Variants in NRG3 observed in about 807,000 individuals in gnomAD.
NRG3 encodes the protein pro-neuregulin-3, membrane-bound isoform.
Under a neutral mutation model 66.9 loss-of-function variants are expected in NRG3, and 31 were observed. The observed-to-expected ratio is 0.46, with a 90% CI of 0.35 to 0.63. NRG3 has a LOEUF of 0.63. Among genes scored for constraint, NRG3 ranks in the 20% least tolerant of loss-of-function variants. The pLI is 0.00. For synonymous variants in NRG3, 393 were observed against 359.4 expected (o/e 1.09, Z -1.06); for missense variants, 910 against 878.9 (o/e 1.04, Z -0.45).
At chr10:82,079,415 T>C (rs988369781) in intron 1 of NRG3, among the ~76,000 whole-genome samples, 4 of 152,204 alleles carry the variant, frequency 2.6e-5, no homozygotes, top group South Asian at 2.1e-4. Flanking sequence ...ATATACCTAC[T>C]GCCCCCACAC....
At chr10:82,711,483 A>G (rs1485233699) in intron 2 of NRG3, among the ~76,000 whole-genome samples, 1 of 150,188 alleles carries the variant, frequency 6.7e-6, no homozygotes, top group African/African-American at 2.5e-5. Context: ...CCTATGTTTA[A>G]GTTGTGTTTT....
At chr10:82,724,125 TTA>T (rs1424984802) in intron 2 of NRG3, among the ~76,000 whole-genome samples, 1 of 151,810 alleles carries the variant, frequency 6.6e-6, no homozygotes, top group African/African-American at 2.4e-5. Flanking sequence ...ATTGCTCTAG[TTA>T]TATAATTCCC....
intron 3 of NRG3, among the ~76,000 whole-genome samples, chr10:82,818,637 C>A (rs571235361): frequency 6.6e-6 from 1 of 151,510 alleles, no homozygotes; most frequent in East Asian, 1.9e-4. Context: ...TCTTTTTTTT[C>A]TTTGCATAAA....
At chr10:82,830,454 G>A (rs2062460331) in intron 3 of NRG3, among the ~76,000 whole-genome samples, 1 of 152,126 alleles carries the variant, frequency 6.6e-6, no homozygotes, top group African/African-American at 2.4e-5. Context: ...TATATTTTCA[G>A]CTACCTAGAT....
chr10:81,990,806 T>C (rs2060710079), intron 1 of NRG3, among the ~76,000 whole-genome samples: 1 of 152,166 alleles, frequency 6.6e-6, no homozygotes, highest in African/African-American at 2.4e-5. Context: ...AATTGAATTA[T>C]ATTTGTCAAG....
chr10:82,182,778 T>C (rs932991472), intron 1 of NRG3, among the ~76,000 whole-genome samples: 2 of 151,982 alleles, frequency 1.3e-5, no homozygotes, highest in Admixed American at 1.3e-4. Flanking sequence ...TCAGTTTCAA[T>C]TTTTAGTACT....
intron 1 of NRG3, among the ~76,000 whole-genome samples, chr10:82,307,015 G>T (rs73306680): frequency 0.047 from 7,128 of 151,806 alleles, 329 homozygotes; most frequent in African/African-American, 0.12. Context: ...ATTCCTAGTT[G>T]TCTTCTCGGT....
chr10:82,440,265 C>T (rs2090365103), intron 2 of NRG3, among the ~76,000 whole-genome samples: 1 of 150,914 alleles, frequency 6.6e-6, no homozygotes, highest in Non-Finnish European at 1.5e-5. Flanking sequence ...TAAATATCTC[C>T]TCTGTGTACA....
chr10:82,541,271 C>T (rs149049780), intron 2 of NRG3, among the ~76,000 whole-genome samples: 2 of 152,160 alleles, frequency 1.3e-5, no homozygotes, highest in Middle Eastern at 3.4e-3. Flanking sequence ...CATGCATATA[C>T]GTATATGTAT....
At chr10:82,705,850 G>A (rs1386332313) in intron 2 of NRG3, among the ~76,000 whole-genome samples, 1 of 152,126 alleles carries the variant, frequency 6.6e-6, no homozygotes, top group Non-Finnish European at 1.5e-5. Flanking sequence ...ACGTTTCTTA[G>A]AATTAGAATT....
intron 3 of NRG3, among the ~76,000 whole-genome samples, chr10:82,764,374 A>ATT (rs58671270): frequency 5.2e-5 from 7 of 134,466 alleles, no homozygotes; most frequent in Non-Finnish European, 8.1e-5. Flanking sequence ...CCCTATGCAA[A>ATT]TTTTTTTTTT....
intron 1 of NRG3, among the ~76,000 whole-genome samples, chr10:82,249,590 C>G (rs1182032942): frequency 6.6e-6 from 1 of 151,994 alleles, no homozygotes; most frequent in African/African-American, 2.4e-5. Context: ...AATGAATAAC[C>G]ACACCCTGAC....
intron 1 of NRG3, among the ~76,000 whole-genome samples, chr10:81,986,274 A>G (rs2060515220): frequency 6.6e-6 from 1 of 152,188 alleles, no homozygotes; most frequent in Non-Finnish European, 1.5e-5. Flanking sequence ...AGTAAATTTA[A>G]TACTAGTACC....
At chr10:82,349,412 G>T (rs529890522) in intron 1 of NRG3, among the ~76,000 whole-genome samples, 5,158 of 150,930 alleles carry the variant, frequency 0.034, 139 homozygotes, top group African/African-American at 0.075. Flanking sequence ...TGAGGAGGCA[G>T]TCTGCCCGTT....
In NRG3 at chr10:81,993,440, G is replaced by A. The variant is rs531937832; in HGVS notation, c.823+117277G>A. Among the ~76,000 whole-genome samples, 261 of 152,180 alleles carry A rather than the reference G, an allele frequency of 1.7e-3. 1 individual carries two copies. The highest frequency in any genetic ancestry group is 1.5e-3 in the Non-Finnish European group (100 of 68,006). ...TAGCTCACTGTAACCTCAAACTCCTGGGTTCAAATGATCCTCCTGCCTTAG... is the reference window on the plus strand; with the variant it reads ...TAGCTCACTGTAACCTCAAACTCCTAGGTTCAAATGATCCTCCTGCCTTAG... On this transcript the variant is annotated intron_variant, in intron 1 of 8. Coordinates refer to ENST00000372141, the MANE Select transcript of NRG3 (RefSeq NM_001010848.4).
At chr10:82,911,108 T>G (rs998535944) in intron 4 of NRG3, among the ~76,000 whole-genome samples, 2 of 152,188 alleles carry the variant, frequency 1.3e-5, no homozygotes, top group African/African-American at 4.8e-5. Flanking sequence ...CAGAGGTAAA[T>G]ATATATGTAT....
chr10:82,696,191 G>T (rs1009342144), intron 2 of NRG3, among the ~76,000 whole-genome samples: 8 of 152,112 alleles, frequency 5.3e-5, no homozygotes, highest in African/African-American at 1.9e-4. Flanking sequence ...AACAGAGATA[G>T]GACTCCCAAG....
At chr10:82,069,941 C>T (rs1374771655) in intron 1 of NRG3, among the ~76,000 whole-genome samples, 1 of 152,108 alleles carries the variant, frequency 6.6e-6, no homozygotes, top group Admixed American at 6.6e-5. Flanking sequence ...TGTCAAAATC[C>T]AGGAAAATCA....
At chr10:82,497,834 G>A (rs1014141080) in intron 2 of NRG3, among the ~76,000 whole-genome samples, 2 of 152,050 alleles carry the variant, frequency 1.3e-5, no homozygotes, top group African/African-American at 4.8e-5. Context: ...TTTTCATAAT[G>A]GCTATACCAG....
Sources: allele counts gnomAD v4.1 joint callset (sites outside exome capture counted in the v4.1 genomes callset), GRCh38; gene constraint gnomAD v4.1.1; transcripts MANE v1.5; gene names NCBI Gene and HGNC (gene_info 2026-07-23, HGNC 2026-07-21).